PRRC2B: variants seen among roughly 807,000 people sequenced by gnomAD.
The protein encoded by PRRC2B is protein PRRC2B.
Under a neutral mutation model 242.3 loss-of-function variants are expected in PRRC2B, and 68 were observed. The ratio of observed to expected loss-of-function variants is 0.28; its 90% confidence interval spans 0.23 to 0.34. The LOEUF is 0.34. Among genes scored for constraint, PRRC2B ranks in the 10% least tolerant of loss-of-function variants. The probability of loss-of-function intolerance (pLI) is 1.00; values close to 1 mark genes in which losing one functional copy is unlikely to be tolerated. For synonymous variants in PRRC2B, 1,228 were observed against 1,173.6 expected (o/e 1.05, Z -0.95); for missense variants, 2,835 against 2,954.8 (o/e 0.96, Z 0.94).
intron 11 of PRRC2B, among the ~76,000 whole-genome samples, chr9:131,463,148 T>C (rs1406563678): frequency 1.3e-5 from 2 of 152,162 alleles, no homozygotes; most frequent in Non-Finnish European, 2.9e-5. Context: ...TCAGGTTCGA[T>C]GGCAAAGTGA....
At chr9:131,390,841 C>A (rs950258000), upstream of PRRC2B, among the ~76,000 whole-genome samples, 7 of 125,590 alleles carry the variant, frequency 5.6e-5, no homozygotes, top group African/African-American at 2.2e-4. Context: ...GGCTATAGTG[C>A]AATGGTGCAA....
At chr9:131,490,683 C>G in intron 28 of PRRC2B, 1 of 480,812 alleles carries the variant, frequency 2.1e-6, no homozygotes, top group Non-Finnish European at 4.2e-6. Context: ...CTGCAGCTAC[C>G]CTGTTCTCCT....
chr9:131,420,457 CT>C (rs1210723760), intron 1 of PRRC2B, among the ~76,000 whole-genome samples: 5 of 10,274 alleles, frequency 4.9e-4, no homozygotes, highest in African/African-American at 9.1e-4. Flanking sequence ...TTTTCTTTTT[CT>C]TTCTTTCTTT....
intron 25 of PRRC2B, chr9:131,485,761 C>A (rs780947885): frequency 4.9e-6 from 3 of 615,674 alleles, no homozygotes; most frequent in South Asian, 4.1e-5. Flanking sequence ...CCAAGGCAGC[C>A]CTGGTTAAAG....
chr9:131,475,328 C>A lies in PRRC2B; in HGVS notation c.3199C>A (p.Arg1067=). ...TGGGGTCAGAGGACAGGCCCGGGGC[C>A]GGGGCCGTGGTTTCAGAGAGTTCAC... ...AFGVRGQARG[R]GRGFREFTFR... is the part of the protein sequence containing the mutation. The change falls in exon 16 of 32, where the codon CGG becomes AGG. Residue 1067 remains arginine, a synonymous_variant. Coordinates refer to ENST00000683519, the MANE Select transcript of PRRC2B (RefSeq NM_013318.4). 1.1e-5 allele frequency: 17 copies of A among 1,594,074 alleles called. No individual in the cohort carries two copies. Among genetic ancestry groups the A allele is most frequent in the Non-Finnish European group, 1.4e-5 (16 of 1,171,006 alleles).
rs111724850 is a variant in PRRC2B at position 131,384,083 on chromosome 9, ATTTTTTTTTTTT to A, written c.-56+10364_-56+10375del. Reference sequence around the variant, plus strand: ...CAGGCACGTACCACCATACCCGGCTATTTTTTTTTTTTTTTTTTTTTTTGGAGACAGAGTATT... The same window carrying A: ...CAGGCACGTACCACCATACCCGGCTATTTTTTTTTTTGGAGACAGAGTATT... On this transcript the variant is annotated intron_variant, in intron 1 of 1. Transcript: ENST00000682525. Among the ~76,000 whole-genome samples, 5 of 58,990 alleles carry A rather than the reference ATTTTTTTTTTTT, an allele frequency of 8.5e-5. No homozygotes were observed. The South Asian group carries it at 2.6e-3, about 31-fold the overall frequency. The allele number at this position is 58,990 out of a possible 152,430, so 38.7% of individuals were successfully genotyped here.
At chr9:131,479,170 G>C in intron 18 of PRRC2B, 82 bp from the exon 19 acceptor site, 1 of 1,412,998 alleles carries the variant, frequency 7.1e-7, no homozygotes, top group Admixed American at 1.9e-5. Context: ...TGTGATTTTT[G>C]GTACCTGGGA....
intron 1 of PRRC2B, among the ~76,000 whole-genome samples, chr9:131,378,186 G>A (rs2483484): frequency 0.26 from 39,596 of 151,762 alleles, 5,407 homozygotes; most frequent in South Asian, 0.31. Context: ...GTACCCACCT[G>A]TAATCCCAGC....
chr9:131,458,430 A>G (rs1369336518), intron 10 of PRRC2B, among the ~76,000 whole-genome samples: 1 of 152,164 alleles, frequency 6.6e-6, no homozygotes, highest in Admixed American at 6.5e-5. Flanking sequence ...CACACATAAA[A>G]TACACTAACA....
Position 131,482,917 on chromosome 9 carries a change from T to C in PRRC2B, c.5373+10T>C. On this transcript the variant is annotated intron_variant, in intron 22 of 31. Transcript: ENST00000683519. The surrounding 1 kb of genome is among the most constrained non-coding windows in gnomAD (Gnocchi z 5.2). ...TGGAGTCAGTCCAAAAGTGAGGCTT[T>C]GATTTGTTTTCTTGCTTGCTTTTTT... 6.3e-7 allele frequency: 1 copy of C among 1,598,622 alleles called. No homozygotes were observed. Among genetic ancestry groups the C allele is most frequent in the Non-Finnish European group, 8.5e-7 (1 of 1,172,342 alleles).
intron 2 of PRRC2B, among the ~76,000 whole-genome samples, chr9:131,431,980 GAC>G (rs1838190476): frequency 6.6e-6 from 1 of 151,974 alleles, no homozygotes; most frequent in Non-Finnish European, 1.5e-5. Context: ...TTTTAGTAGA[GAC>G]AGGGTTTTGT....
chr9:131,430,071 T>TC, intron 1 of PRRC2B, 23 bp from the exon 2 acceptor site: 2 of 709,044 alleles, frequency 2.8e-6, no homozygotes, highest in Non-Finnish European at 4.7e-6. Context: ...TTTTTTTTTT[T>TC]TTCTTCTCTA....
Position 131,486,107 on chromosome 9 carries a change from C to T in PRRC2B, c.5781C>T (p.Tyr1927=), listed in dbSNP as rs1944016755. The T allele has an allele frequency of 6.8e-6, 11 of 1,612,996 alleles. No individual in the cohort carries two copies. The highest frequency in any genetic ancestry group is 1.3e-5 in the African/African-American group (1 of 75,028). The change falls in exon 26 of 32, where the codon TAC becomes TAT. Residue 1927 remains tyrosine (Y), a synonymous_variant. Transcript: ENST00000683519. The part of the protein sequence containing the change: ...SMPGSHLPPL[Y]LDGHVFASQP... ...CAGGCAGCCACCTCCCGCCCCTGTA[C>T]CTGGATGGCCATGTGTTTGCAAGTC...
intron 5 of PRRC2B, 104 bp downstream of exon 5, chr9:131,439,165 A>T (rs956189251): frequency 1.7e-5 from 15 of 891,844 alleles, no homozygotes; most frequent in Non-Finnish European, 2.5e-5. Flanking sequence ...AGCTTTGAGG[A>T]CTCTCTTCCA....
intron 9 of PRRC2B, among the ~76,000 whole-genome samples, chr9:131,454,874 T>G (rs1040288324): frequency 2.0e-5 from 3 of 149,274 alleles, no homozygotes; most frequent in African/African-American, 7.7e-5. Context: ...GACCTCATGA[T>G]CCGCCCACCT....
In PRRC2B at chr9:131,455,138, G is replaced by C; in HGVS notation, c.1183G>C (p.Glu395Gln). 6.2e-7 allele frequency: 1 copy of C among 1,613,846 alleles called. No individual in the cohort carries two copies. The highest frequency in any genetic ancestry group is 8.5e-7 in the Non-Finnish European group (1 of 1,179,812). The change falls in exon 10 of 32, where the codon GAA becomes CAA. Residue 395 changes from glutamate (E) to glutamine (Q), a missense_variant. By Grantham distance (29) the Glu-to-Gln change is conservative. This residue lies in a region of PRRC2B where 626 missense variants were observed against 685.5 expected (regional missense o/e 0.91). Transcript: ENST00000683519. Reference protein sequence around the residue: ...LKFSDDEEEEEVVKDGRPKWN... With the variant: ...LKFSDDEEEEQVVKDGRPKWN... ...GTTCAGTGATGATGAAGAGGAGGAA[G>C]AAGTTGTGAAGGACGGCAGGCCAAA... is the stretch of plus-strand genomic sequence containing the variant.
Position 131,476,145 on chromosome 9 carries a change from G to C in PRRC2B, c.4016G>C (p.Trp1339Ser). ...EEEPHLLAGQ[W>S]PGRPKLCSGD... Reference sequence around the variant, plus strand: ...GAGCCCCACCTGCTGGCAGGTCAGTGGCCAGGCAGGCCCAAACTGTGTTCT... The same window carrying C: ...GAGCCCCACCTGCTGGCAGGTCAGTCGCCAGGCAGGCCCAAACTGTGTTCT... The change falls in exon 16 of 32, where the codon TGG becomes TCG. Residue 1339 changes from tryptophan (W) to serine (S), a missense_variant. Trp to Ser is a radical substitution (Grantham distance 177). This residue lies in a region of PRRC2B where 1,536 missense variants were observed against 1,483.1 expected (regional missense o/e 1.04). Transcript: ENST00000683519. The C allele has an allele frequency of 6.2e-7, 1 of 1,611,944 alleles. No individual in the cohort carries two copies.
chr9:131,446,633 T>C lies in PRRC2B; in HGVS notation c.846T>C (p.Leu282=), dbSNP rs889491678. 2 of 1,613,984 alleles carry C rather than the reference T, an allele frequency of 1.2e-6. No individual in the cohort carries two copies. The highest frequency in any genetic ancestry group is 1.7e-6 in the Non-Finnish European group (2 of 1,179,866). ...ACCCACCTACATACCATGACATGCT[T>C]CCTGCTTTTGTAAGTCTTCAGAGTG... The part of the protein sequence containing the change: ...VYHPPTYHDM[L]PAFMCSPKSS... Residue 282 remains leucine (L), a synonymous_variant, in exon 7 of 32, where the codon CTT becomes CTC. Coordinates refer to ENST00000683519, the MANE Select transcript of PRRC2B (RefSeq NM_013318.4). This position sits in a 1 kb window ranked among gnomAD's most constrained non-coding sequence, Gnocchi z 4.1.
At chr9:131,479,109 G>T in intron 18 of PRRC2B, 143 bp from the exon 19 acceptor site, 1 of 779,756 alleles carries the variant, frequency 1.3e-6, no homozygotes, top group East Asian at 2.7e-5. Flanking sequence ...AGTTCTGCTT[G>T]AGGTTTTGGG....
Sources: allele counts gnomAD v4.1 joint callset (sites outside exome capture counted in the v4.1 genomes callset), GRCh38; gene constraint gnomAD v4.1.1; regional missense constraint gnomAD v4.1.1; non-coding constraint Gnocchi (gnomAD v3.1); transcripts MANE v1.5; gene names NCBI Gene and HGNC (gene_info 2026-07-23, HGNC 2026-07-21).